RFPL1: variants seen among roughly 807,000 people sequenced by gnomAD.
RFPL1 encodes ret finger protein-like 1.
RFPL1 carries 6 observed loss-of-function variants against 9.6 expected under a neutral mutation model. That is an observed-to-expected ratio of 0.62 (90% CI 0.34 to 1.23). RFPL1 has a LOEUF of 1.23. RFPL1 is among the 50% of genes most tolerant of loss of function. The pLI, the probability that RFPL1 is intolerant of heterozygous loss-of-function variation, is 0.03. For synonymous variants in RFPL1, 145 were observed against 149.4 expected, an observed-to-expected ratio of 0.97 and a Z score of 0.22; for missense variants, 352 against 398.4, an observed-to-expected ratio of 0.88 and a Z score of 0.99.
the RFPL1 span, among the ~76,000 whole-genome samples, chr22:29,405,653 C>A: frequency 3.9e-5 from 6 of 152,294 alleles, no homozygotes; most frequent in Admixed American, 2.0e-4. Context: ...GGATCTCTGT[C>A]CCCAGGGAAC....
At chr22:29,414,564 G>A in the RFPL1 span, among the ~76,000 whole-genome samples, 1 of 152,086 alleles carries the variant, frequency 6.6e-6, no homozygotes, top group African/African-American at 2.4e-5. Flanking sequence ...TTCTACAAGA[G>A]TTTTCCTCAA....
the RFPL1 span, among the ~76,000 whole-genome samples, chr22:29,393,628 A>G: frequency 2.0e-5 from 3 of 152,036 alleles, no homozygotes; most frequent in East Asian, 5.8e-4. Flanking sequence ...GCCCAGGAGA[A>G]ACTCCTTGCC....
the RFPL1 span, among the ~76,000 whole-genome samples, chr22:29,417,381 C>T: frequency 9.3e-4 from 142 of 151,898 alleles, no homozygotes; most frequent in East Asian, 3.1e-3. Context: ...TCTGCAGAGC[C>T]CCTTCCCGGA....
chr22:29,439,457 C>T (rs1402067374), intron 1 of RFPL1: 2 of 378,996 alleles, frequency 5.3e-6, no homozygotes, highest in Non-Finnish European at 9.5e-6. Flanking sequence ...CACGGTGAAA[C>T]CCTGTCTCTA....
At chr22:29,420,702 G>A in the RFPL1 span, among the ~76,000 whole-genome samples, 1 of 141,310 alleles carries the variant, frequency 7.1e-6, no homozygotes, top group Non-Finnish European at 1.5e-5. Flanking sequence ...GTGCAACGGT[G>A]CGATCTCGGC....
chr22:29,410,405 ATC>A, the RFPL1 span, among the ~76,000 whole-genome samples: 98 of 95,390 alleles, frequency 1.0e-3, 1 homozygote, highest in Middle Eastern at 5.0e-3. Flanking sequence ...GTAGATATAT[ATC>A]TATATATATA....
At chr22:29,392,315 G>C in the RFPL1 span, among the ~76,000 whole-genome samples, 1 of 148,582 alleles carries the variant, frequency 6.7e-6, no homozygotes, top group Non-Finnish European at 1.5e-5. Context: ...CCTGACTTCA[G>C]GTGATCCGCC....
At chr22:29,433,879 T>C (rs1025099689), upstream of RFPL1, among the ~76,000 whole-genome samples, 2 of 152,174 alleles carry the variant, frequency 1.3e-5, no homozygotes, top group African/African-American at 4.8e-5. Flanking sequence ...TTATTTAAAG[T>C]ATTGTTGAAT....
chr22:29,403,622 G>T, the RFPL1 span, among the ~76,000 whole-genome samples: 21 of 151,280 alleles, frequency 1.4e-4, no homozygotes, highest in African/African-American at 4.2e-4. Flanking sequence ...AGAGTCAAGT[G>T]ATCCTAAAAG....
At chr22:29,400,391 A>G in the RFPL1 span, among the ~76,000 whole-genome samples, 1 of 152,182 alleles carries the variant, frequency 6.6e-6, no homozygotes, top group African/African-American at 2.4e-5. Context: ...TGGTCATGAA[A>G]AGAGCTTTTT....
chr22:29,410,535 TA>T, the RFPL1 span, among the ~76,000 whole-genome samples: 1 of 117,126 alleles, frequency 8.5e-6, no homozygotes, highest in East Asian at 2.4e-4. Context: ...TATATATATC[TA>T]CTATATATAG....
At chr22:29,416,650 C>T in the RFPL1 span, among the ~76,000 whole-genome samples, 9,314 of 152,194 alleles carry the variant, frequency 0.061, 934 homozygotes, top group East Asian at 0.41. Context: ...GGATGGCTCA[C>T]GCTGCTTTCT....
the RFPL1 span, among the ~76,000 whole-genome samples, chr22:29,392,670 C>G: frequency 0.039 from 6,009 of 152,212 alleles, 391 homozygotes; most frequent in African/African-American, 0.14. Flanking sequence ...TGAGCCAACA[C>G]ACACGGCCAA....
At chr22:29,441,999 G>C (rs1162446328) in exon 2 of RFPL1, 2 of 1,614,000 alleles carry the variant, frequency 1.2e-6, no homozygotes, top group East Asian at 2.2e-5. Context: ...CTGCTGAGGA[G>C]CCACTGCACT....
the RFPL1 span, among the ~76,000 whole-genome samples, chr22:29,431,121 C>T: frequency 2.6e-5 from 4 of 152,068 alleles, no homozygotes; most frequent in African/African-American, 9.7e-5. Flanking sequence ...CAAAACTGAG[C>T]TGTCGGTGGA....
At chr22:29,407,268 T>C in the RFPL1 span, among the ~76,000 whole-genome samples, 1 of 152,164 alleles carries the variant, frequency 6.6e-6, no homozygotes, top group Non-Finnish European at 1.5e-5. Flanking sequence ...TAATTTTTTT[T>C]TTTTCGTAGA....
the RFPL1 span, among the ~76,000 whole-genome samples, chr22:29,388,736 C>T: frequency 2.6e-5 from 4 of 152,232 alleles, no homozygotes; most frequent in Admixed American, 6.5e-5. Context: ...TCCCGCAGAG[C>T]CCTTGGGAAA....
the RFPL1 span, among the ~76,000 whole-genome samples, chr22:29,413,283 G>A: frequency 1.3e-5 from 2 of 151,922 alleles, no homozygotes; most frequent in Non-Finnish European, 2.9e-5. Flanking sequence ...TATACAGCTC[G>A]AGTTTTCCTT....
chr22:29,391,785 C>G, the RFPL1 span, among the ~76,000 whole-genome samples: 1 of 152,172 alleles, frequency 6.6e-6, no homozygotes, highest in Non-Finnish European at 1.5e-5. Flanking sequence ...ACCCCCACGC[C>G]CAGTGCAAGG....
Sources: gnomAD v4.1 joint callset for allele counts (sites outside exome capture counted in the v4.1 genomes callset) on GRCh38, gnomAD v4.1.1 for gene constraint, MANE v1.5 for transcripts, NCBI Gene and HGNC (gene_info 2026-07-23, HGNC 2026-07-21) for gene names.